The following ZNF710 variants were observed in gnomAD, a reference collection of about 807,000 sequenced individuals.
ZNF710 encodes zinc finger protein 710.
ZNF710 carries 13 observed loss-of-function variants against 50.6 expected under a neutral mutation model. That is an observed-to-expected ratio of 0.26 (90% CI 0.17 to 0.41). ZNF710 has a LOEUF of 0.41. Among genes scored for constraint, ZNF710 ranks in the 10% least tolerant of loss-of-function variants. ZNF710 has a pLI of 1.00. For synonymous variants in ZNF710, 383 were observed against 397.0 expected, an observed-to-expected ratio of 0.96 and a Z score of 0.42; for missense variants, 721 against 936.6, an observed-to-expected ratio of 0.77 and a Z score of 3.01.
chr15:90,057,348 C>G (rs577263309), intron 1 of ZNF710, among the ~76,000 whole-genome samples: 4 of 152,070 alleles, frequency 2.6e-5, no homozygotes, highest in Non-Finnish European at 4.4e-5. Flanking sequence ...AGGGGCCTCC[C>G]ACTTGATTCA....
intron 1 of ZNF710, among the ~76,000 whole-genome samples, chr15:90,051,193 C>T (rs1196410931): frequency 7.0e-6 from 1 of 142,872 alleles, no homozygotes; most frequent in Admixed American, 6.9e-5. Context: ...GAGCCAAGAT[C>T]GTGCCGCTGC....
At chr15:90,027,670 G>A (rs559458821) in intron 1 of ZNF710, among the ~76,000 whole-genome samples, 4 of 151,968 alleles carry the variant, frequency 2.6e-5, no homozygotes, top group Non-Finnish European at 5.9e-5. Flanking sequence ...TGGCCAACAT[G>A]GCAAAACCCT....
chr15:90,053,153 A>G (rs1899698423), intron 1 of ZNF710, among the ~76,000 whole-genome samples: 2 of 152,184 alleles, frequency 1.3e-5, no homozygotes, highest in Admixed American at 6.5e-5. Context: ...ATTTAGAAAC[A>G]TAGAAGAGTG....
rs1019673068 is a variant in ZNF710 at position 90,081,397 on chromosome 15, A to C, written c.*1568A>C. 6.6e-6 allele frequency: 1 copy of C among 152,180 alleles called. No homozygotes were observed. The highest frequency in any genetic ancestry group is 2.4e-5 in the African/African-American group (1 of 41,422). 9.4% of individuals were successfully genotyped at this position (152,180 alleles called of 1,614,324 possible). ...GGGGTCTTCCCCAAAGGCACAGATGAAGCCACTAGCTTCAGCCTAGAAACC... is the reference window on the plus strand; with the variant it reads ...GGGGTCTTCCCCAAAGGCACAGATGCAGCCACTAGCTTCAGCCTAGAAACC... On this transcript the variant is annotated 3_prime_UTR_variant, in exon 5 of 5. Coordinates refer to ENST00000268154, the MANE Select transcript of ZNF710 (RefSeq NM_198526.4).
chr15:90,012,004 C>A (rs542572466), intron 1 of ZNF710, among the ~76,000 whole-genome samples: 1 of 152,062 alleles, frequency 6.6e-6, no homozygotes, highest in Non-Finnish European at 1.5e-5. Context: ...CAAGAGATTG[C>A]GACAATCCTG....
At chr15:90,018,170 CTTTTTTT>C (rs5814406) in intron 1 of ZNF710, among the ~76,000 whole-genome samples, 52 of 128,392 alleles carry the variant, frequency 4.1e-4, no homozygotes, top group African/African-American at 9.1e-4. Context: ...TTTCTTTTTT[CTTTTTTT>C]TTTTTTTTTG....
At chr15:90,046,592 A>G (rs1431051989) in intron 1 of ZNF710, among the ~76,000 whole-genome samples, 1 of 152,150 alleles carries the variant, frequency 6.6e-6, no homozygotes, top group Non-Finnish European at 1.5e-5. Flanking sequence ...GAGCCCACTC[A>G]TCAGTAGTGA....
At chr15:90,074,560 C>A (rs1283326076) in intron 4 of ZNF710, 2 of 1,367,610 alleles carry the variant, frequency 1.5e-6, no homozygotes, top group Non-Finnish European at 1.9e-6. Flanking sequence ...GTGTGCCAGG[C>A]CTTTATTAAC....
At chr15:90,053,562 A>G (rs904391925) in intron 1 of ZNF710, among the ~76,000 whole-genome samples, 9 of 151,918 alleles carry the variant, frequency 5.9e-5, no homozygotes, top group African/African-American at 1.9e-4. Context: ...GTGGTCTCGA[A>G]CTCCTGAGCT....
At chr15:90,074,088 C>T (rs1175276161) in intron 3 of ZNF710, 28 bp from the exon 4 acceptor site, 2 of 1,595,154 alleles carry the variant, frequency 1.3e-6, no homozygotes, top group Non-Finnish European at 1.7e-6. Context: ...TCCCCACAGG[C>T]TCAGGACACC....
chr15:90,069,919 G>GGTCC (rs974076264), intron 2 of ZNF710, among the ~76,000 whole-genome samples: 2 of 152,042 alleles, frequency 1.3e-5, no homozygotes, highest in African/African-American at 4.8e-5. Flanking sequence ...AGGCCCCTTG[G>GGTCC]GTCCCACAAT....
At chr15:90,013,191 C>T (rs1362255653) in intron 1 of ZNF710, among the ~76,000 whole-genome samples, 1 of 152,094 alleles carries the variant, frequency 6.6e-6, no homozygotes, top group Non-Finnish European at 1.5e-5. Flanking sequence ...CTCCACCTCC[C>T]CCGGGTTCAA....
chr15:90,043,034 C>T (rs918031018), intron 1 of ZNF710, among the ~76,000 whole-genome samples: 5 of 152,240 alleles, frequency 3.3e-5, no homozygotes, highest in African/African-American at 9.6e-5. Flanking sequence ...CCTGAGCAGG[C>T]GGCGGGCTTC....
At chr15:90,032,917 A>G (rs559177831) in intron 1 of ZNF710, among the ~76,000 whole-genome samples, 151 of 151,338 alleles carry the variant, frequency 1.0e-3, no homozygotes, top group African/African-American at 3.4e-3. Context: ...AAAAAAAGAA[A>G]AAAAAAGTGT....
chr15:90,036,195 C>A (rs1899118768), intron 1 of ZNF710, among the ~76,000 whole-genome samples: 1 of 152,002 alleles, frequency 6.6e-6, no homozygotes, highest in South Asian at 2.1e-4. Flanking sequence ...TGAGACTCCC[C>A]TCCCGTTCCT....
chr15:90,072,210 A>G lies in ZNF710; in HGVS notation c.1459-861A>G, dbSNP rs1011391047. On this transcript the variant is annotated intron_variant, in intron 2 of 4. Coordinates refer to ENST00000268154, the MANE Select transcript of ZNF710 (RefSeq NM_198526.4). ...GAGTGACCTCCAAACCGTAGAAAAG[A>G]AAGTTCACAGTCCAAACCAGTGGGT... 3.9e-5 allele frequency among the ~76,000 whole-genome samples: 6 copies of G among 152,346 alleles called. No individual in the cohort carries two copies. The East Asian group carries it at 7.7e-4, about 20-fold the overall frequency.
chr15:90,002,430 C>G (rs940291280), intron 1 of ZNF710: 2 of 152,334 alleles, frequency 1.3e-5, no homozygotes, highest in Non-Finnish European at 2.9e-5. Flanking sequence ...TCTTGAGCCT[C>G]CCGCGGCTCA....
intron 1 of ZNF710, among the ~76,000 whole-genome samples, chr15:90,012,554 G>A (rs1037854309): frequency 3.9e-5 from 6 of 152,060 alleles, no homozygotes; most frequent in Non-Finnish European, 7.3e-5. Flanking sequence ...ACAGGCGTGA[G>A]CCTCCATGCC....
chr15:90,052,341 G>A (rs965160150), intron 1 of ZNF710, among the ~76,000 whole-genome samples: 4 of 152,040 alleles, frequency 2.6e-5, no homozygotes, highest in African/African-American at 9.7e-5. Flanking sequence ...AGCCATCATC[G>A]GTTTGCTTCA....
Sources: gnomAD v4.1 joint callset for allele counts (sites outside exome capture counted in the v4.1 genomes callset) on GRCh38, gnomAD v4.1.1 for gene constraint, MANE v1.5 for transcripts, NCBI Gene and HGNC (gene_info 2026-07-23, HGNC 2026-07-21) for gene names.